The following POTEB3 variants were observed in gnomAD, a reference collection of about 807,000 sequenced individuals.
POTEB3 encodes the protein POTE ankyrin domain family member B3, also known as ANKRD26-like family B member 1.
Under a neutral mutation model 39.8 loss-of-function variants are expected in POTEB3, and 5 were observed. The ratio of observed to expected loss-of-function variants is 0.13; its 90% CI spans 0.07 to 0.26. The LOEUF is 0.26. POTEB3 is among the 10% of genes least tolerant of loss of function. The probability of loss-of-function intolerance (pLI) is 1.00; values close to 1 mark genes in which losing one functional copy is unlikely to be tolerated. For synonymous variants in POTEB3, 5 were observed against 161.5 expected, an observed-to-expected ratio of 0.03 and a Z score of 7.35; for missense variants, 24 against 475.6, an observed-to-expected ratio of 0.05 and a Z score of 8.83.
intron 6 of POTEB3, chr15:21,425,933 A>G (rs1898680957): frequency 4.4e-6 from 1 of 226,692 alleles, no homozygotes; most frequent in Admixed American, 5.6e-5. Context: ...TCTAGTATTT[A>G]CAGTCCAAAG....
intron 5 of POTEB3, among the ~76,000 whole-genome samples, chr15:21,428,521 A>G (rs1408287945): frequency 1.3e-5 from 2 of 149,232 alleles, no homozygotes; most frequent in Non-Finnish European, 3.0e-5. Context: ...CCTGGCTTGG[A>G]GCAATGATCC....
intron 9 of POTEB3, among the ~76,000 whole-genome samples, chr15:21,414,619 C>T: frequency 1.3e-5 from 1 of 79,728 alleles, no homozygotes; most frequent in Non-Finnish European, 2.2e-5. Flanking sequence ...TTCTGAAATA[C>T]AGCCACGCAG....
chr15:21,430,726 G>A (rs1197149085), intron 4 of POTEB3, among the ~76,000 whole-genome samples: 3 of 151,270 alleles, frequency 2.0e-5, no homozygotes, highest in African/African-American at 7.3e-5. Context: ...TGAAGATTTT[G>A]TCACAGCTTC....
At chr15:21,426,443 A>G (rs1159186254) in intron 6 of POTEB3, among the ~76,000 whole-genome samples, 2 of 149,466 alleles carry the variant, frequency 1.3e-5, no homozygotes, top group African/African-American at 5.0e-5. Flanking sequence ...AATGATAATA[A>G]CAAGCTCCTG....
chr15:21,422,515 A>C (rs1438878982), intron 6 of POTEB3, among the ~76,000 whole-genome samples: 1 of 135,226 alleles, frequency 7.4e-6, no homozygotes, highest in African/African-American at 2.8e-5. Context: ...GTAAATGTAA[A>C]GAAAAGGAAA....
In POTEB3 at chr15:21,428,962, G is replaced by C. The variant is rs1384841386; in HGVS notation, c.1056-1207C>G. ...TTTCTCTGTATTGTTCCAATTTTAG[G>C]ATATGTGCCGCCAAAGCAGGCACAA... On this transcript the variant is annotated intron_variant, in intron 5 of 10. Transcript: ENST00000611217. The C allele has an allele frequency of 1.2e-3, 182 of 146,030 alleles. 1 individual carries two copies. The highest frequency in any genetic ancestry group is 4.4e-3 in the African/African-American group (173 of 38,928). 9.0% of individuals were successfully genotyped at this position (146,030 alleles called of 1,614,324 possible).
At chr15:21,418,098 C>T (rs58499311) in intron 9 of POTEB3, among the ~76,000 whole-genome samples, 2 of 92,800 alleles carry the variant, frequency 2.2e-5, no homozygotes, top group South Asian at 5.2e-4. Context: ...AATAGAGAGG[C>T]TGAGGTGGGA....
intron 6 of POTEB3, chr15:21,426,393 C>A (rs1237092945): frequency 3.2e-6 from 1 of 316,988 alleles, no homozygotes; most frequent in African/African-American, 2.3e-5. Context: ...ATCTAGCACA[C>A]AGTAAGCACT....
chr15:21,429,291 A>G (rs1898859244), intron 5 of POTEB3, among the ~76,000 whole-genome samples: 2 of 151,718 alleles, frequency 1.3e-5, no homozygotes, highest in African/African-American at 2.4e-5. Context: ...AAGGTGCCTC[A>G]CTGTGTAGAT....
rs1252729130 is a variant in POTEB3 at position 21,407,517 on chromosome 15, C to T, written c.*1466G>A. On this transcript the variant is annotated 3_prime_UTR_variant, in exon 11 of 11. Coordinates refer to ENST00000611217, the MANE Select transcript of POTEB3 (RefSeq NM_207355.5). ...GTACGTGGCTGTAGAGGTCACCTTGCTGCAGCTCTCCACTGATCAGCCACG... is the reference window on the plus strand; with the variant it reads ...GTACGTGGCTGTAGAGGTCACCTTGTTGCAGCTCTCCACTGATCAGCCACG... 8.8e-5 allele frequency among the ~76,000 whole-genome samples: 7 copies of T among 79,194 alleles called. 3 individuals carry two copies. Among genetic ancestry groups the T allele is most frequent in the African/African-American group, 8.4e-4 (7 of 8,288 alleles). 52.0% of individuals were successfully genotyped at this position (79,194 alleles called of 152,430 possible).
Position 21,409,092 on chromosome 15 carries a change from T to G in POTEB3, c.1637A>C (p.Gln546Pro). 1 of 605,608 alleles carries G rather than the reference T, an allele frequency of 1.7e-6. No individual in the cohort carries two copies. 37.5% of individuals were successfully genotyped at this position (605,608 alleles called of 1,614,324 possible). Residue 546 changes from glutamine (Q) to proline (P), a missense_variant, in exon 11 of 11, where the codon CAG (glutamine) becomes CCG (proline). Gln to Pro is a moderately conservative substitution (Grantham distance 76). Transcript: ENST00000611217. Reference sequence around the variant, plus strand: ...AATTTTATTTTCCCTTAGCTGGTTCTGATGTTTTGTTTCATCTAGTTCCAG... The same window carrying G: ...AATTTTATTTTCCCTTAGCTGGTTCGGATGTTTTGTTTCATCTAGTTCCAG... Reference protein sequence around the residue: ...LRLELDETKHQNQLRENKILE... With the variant: ...LRLELDETKHPNQLRENKILE...
intron 6 of POTEB3, among the ~76,000 whole-genome samples, chr15:21,423,091 T>G (rs1181709474): frequency 6.8e-6 from 1 of 146,196 alleles, no homozygotes; most frequent in East Asian, 2.0e-4. Context: ...TATGACAAAT[T>G]TATTTTCATT....
At chr15:21,422,693 C>T (rs1287982500) in intron 6 of POTEB3, among the ~76,000 whole-genome samples, 6 of 148,518 alleles carry the variant, frequency 4.0e-5, no homozygotes, top group Non-Finnish European at 9.0e-5. Context: ...ATTCCTTTAC[C>T]ATCTCCCCTC....
chr15:21,433,874 C>G (rs1302573799), intron 3 of POTEB3, among the ~76,000 whole-genome samples: 1 of 151,444 alleles, frequency 6.6e-6, no homozygotes, highest in Non-Finnish European at 1.5e-5. Context: ...CACATATTCA[C>G]TGCCAATCTG....
chr15:21,422,715 T>G (rs1292334214), intron 6 of POTEB3, among the ~76,000 whole-genome samples: 4 of 150,788 alleles, frequency 2.7e-5, no homozygotes, highest in African/African-American at 7.3e-5. Context: ...CCCTCAGCAT[T>G]TATTCATAGC....
At chr15:21,430,745 G>A (rs1300747394) in intron 4 of POTEB3, among the ~76,000 whole-genome samples, 1 of 151,306 alleles carries the variant, frequency 6.6e-6, no homozygotes, top group Non-Finnish European at 1.5e-5. Context: ...TCCCTAGACT[G>A]ATATGCTGTG....
At position 21,434,703 on chromosome 15, in the gene POTEB3, T is replaced by C; in HGVS notation, c.768A>G (p.Lys256=). 1.2e-5 allele frequency: 1 copy of C among 81,532 alleles called. No homozygotes were observed. Among genetic ancestry groups the C allele is most frequent in the East Asian group, 2.1e-4 (1 of 4,838 alleles). The allele number at this position is 81,532 out of a possible 1,614,324, so 5.1% of individuals were successfully genotyped here. Residue 256 remains lysine (K), a synonymous_variant, in exon 3 of 11, where the codon AAA becomes AAG. Transcript: ENST00000611217. ...AIYNEDKLMA[K]ALLLYGADIE... ...TATCAGCACCATATAAGAGCAGTGC[T>C]TTGGCCATTAATTTATCTTCATTGT...
intron 6 of POTEB3, among the ~76,000 whole-genome samples, chr15:21,422,910 C>T (rs1342496917): frequency 6.8e-6 from 1 of 146,198 alleles, no homozygotes; most frequent in Non-Finnish European, 1.5e-5. Context: ...TGATGCAAAT[C>T]CGCTGAGCTG....
At position 21,417,213 on chromosome 15, in the gene POTEB3, T is replaced by A. The variant is rs150478512; in HGVS notation, c.1409+2251A>T. 2.7e-5 allele frequency among the ~76,000 whole-genome samples: 2 copies of A among 75,340 alleles called. 1 individual carries two copies. Among genetic ancestry groups the A allele is most frequent in the Non-Finnish European group, 4.7e-5 (2 of 42,764 alleles). The allele number at this position is 75,340 out of a possible 152,430, so 49.4% of individuals were successfully genotyped here. On this transcript the variant is annotated intron_variant, in intron 9 of 10. Coordinates refer to ENST00000611217, the MANE Select transcript of POTEB3 (RefSeq NM_207355.5). ...TGCCTAGATTTATTACAGAAAAAAA[T>A]TAGTGATAATCTTGAGGAAAAACAA...
Sources: allele counts gnomAD v4.1 joint callset (sites outside exome capture counted in the v4.1 genomes callset), GRCh38; gene constraint gnomAD v4.1.1; transcripts MANE v1.5; gene names NCBI Gene and HGNC (gene_info 2026-07-23, HGNC 2026-07-21).